Variants in CDH16 observed in about 807,000 individuals in gnomAD.
CDH16 encodes the protein cadherin 16.
In CDH16, 79 loss-of-function variants were observed where a neutral mutation model predicts 87.6. That is an observed-to-expected ratio of 0.90 (90% CI 0.75 to 1.09). The LOEUF (loss-of-function observed/expected upper bound fraction) is 1.09. CDH16 is among the 50% of genes least tolerant of loss of function. The pLI is 0.00. For missense variants in CDH16, 1,124 were observed against 1,071.7 expected, an observed-to-expected ratio of 1.05 and a Z score of -0.68; for synonymous variants, 457 against 439.5, an observed-to-expected ratio of 1.04 and a Z score of -0.50.
Position 66,912,266 on chromosome 16 carries a change from C to T in CDH16, c.1524G>A (p.Gly508=), listed in dbSNP as rs756978582. The part of the protein sequence containing the change: ...TFGLDWEPDS[G]HVRLRLCKNL... ...CCTTGCAGAGTCTGAGTCTAACATG[C>T]CCAGAGTCTGGCTCCCAATCCAGGC... Residue 508 remains glycine (G), a synonymous_variant, in exon 12 of 18, where the codon GGG becomes GGA. Coordinates refer to ENST00000299752, the MANE Select transcript of CDH16 (RefSeq NM_004062.4). The T allele has an allele frequency of 1.9e-6, 3 of 1,611,878 alleles. 1 individual carries two copies. The highest frequency in any genetic ancestry group is 2.2e-5 in the South Asian group (2 of 90,674).
At chr16:66,913,706 G>A (rs1962545729) in intron 7 of CDH16, 93 bp from the exon 8 acceptor site, 3 of 1,521,966 alleles carry the variant, frequency 2.0e-6, no homozygotes, top group African/African-American at 1.4e-5. Flanking sequence ...GAGCCCAACT[G>A]TGTGACCCAG....
In CDH16 at chr16:66,911,270, T is replaced by A; in HGVS notation, c.1836A>T (p.Lys612Asn). The A allele has an allele frequency of 6.2e-7, 1 of 1,613,560 alleles. No homozygotes were observed. Among genetic ancestry groups the A allele is most frequent in the South Asian group, 1.1e-5 (1 of 90,944 alleles). ...NDSEGWLCIE[K>N]FSGEVHTAQS... is the part of the protein sequence containing the mutation. ...GGGCGGTGTGCACCTCCCCGGAGAA[T>A]TTCTCAATGCAGAGCCAGCCCTCTG... The change falls in exon 14 of 18, where the codon AAA becomes AAT. Residue 612 changes from lysine to asparagine, a missense_variant. Lys to Asn is a moderately conservative substitution (Grantham distance 94). Transcript: ENST00000299752.
At chr16:66,914,664 A>T (rs550801104) in intron 6 of CDH16, among the ~76,000 whole-genome samples, 1 of 152,296 alleles carries the variant, frequency 6.6e-6, no homozygotes, top group Non-Finnish European at 1.5e-5. Flanking sequence ...GATGACCAGG[A>T]TGAGGAGATG....
Position 66,908,279 on chromosome 16 carries a change from G to A in CDH16, c.*113C>T. 1.2e-6 allele frequency: 1 copy of A among 812,538 alleles called. No individual in the cohort carries two copies. Among genetic ancestry groups the A allele is most frequent in the East Asian group, 2.5e-5 (1 of 39,966 alleles). 50.3% of individuals were successfully genotyped at this position (812,538 alleles called of 1,614,324 possible). On this transcript the variant is annotated 3_prime_UTR_variant, in exon 18 of 18. Transcript: ENST00000299752. Reference sequence around the variant, plus strand: ...ATGGTGCCTCCACCCCAGGGCAGATGGAGGGGCTTCTACTCTGTCCTGTCC... The same window carrying A: ...ATGGTGCCTCCACCCCAGGGCAGATAGAGGGGCTTCTACTCTGTCCTGTCC...
Position 66,918,798 on chromosome 16 carries a change from C to G in CDH16, c.-14+6G>C, listed in dbSNP as rs759311868. 6.5e-6 allele frequency: 1 copy of G among 153,062 alleles called. No homozygotes were observed. Among genetic ancestry groups the G allele is most frequent in the Non-Finnish European group, 1.5e-5 (1 of 68,420 alleles). 9.5% of individuals were successfully genotyped at this position (153,062 alleles called of 1,614,324 possible). A position where few individuals can be genotyped will look rare whatever the true frequency, so the allele number is the denominator to read the frequency against. On this transcript the variant is annotated splice_donor_region_variant and intron_variant, in intron 1 of 17. Transcript: ENST00000299752. The stretch of plus-strand genomic sequence containing the variant: ...CATGCCCTCCCCTCCACTCCCAGCC[C>G]CTCACCCTCCAGCGCCCAAGACTGG...
rs144917900 is a variant in CDH16, at chr16:66,912,567, C to T, written c.1296G>A (p.Thr432=). 9 of 1,614,074 alleles carry T rather than the reference C, an allele frequency of 5.6e-6. No individual in the cohort carries two copies. Among genetic ancestry groups the T allele is most frequent in the East Asian group, 4.5e-5 (2 of 44,904 alleles). Residue 432 remains threonine, a synonymous_variant, in exon 11 of 18, where the codon ACG becomes ACA. Transcript: ENST00000299752. The stretch of plus-strand genomic sequence containing the variant: ...CTGTGACTGCGACTTCGACTTCACA[C>T]GTGCTGCTGAAGCCTAGGGCAGAGG... ...LAGAEGGFSS[T]CEVEVAVTDI...
At position 66,916,436 on chromosome 16, in the gene CDH16, G is replaced by C. The variant is rs772463870; in HGVS notation, c.130-7C>G. The stretch of plus-strand genomic sequence containing the variant: ...CCTCACGGGGCAGCGGCAACTGATG[G>C]AAATGAACAGAAGTGAAGGGAGCGG... On this transcript the variant is annotated splice_polypyrimidine_tract_variant and splice_region_variant and intron_variant, in intron 3 of 17. Transcript: ENST00000299752. The surrounding 1 kb of genome is among the most constrained non-coding windows in gnomAD (Gnocchi z 4.1). 4 of 1,590,900 alleles carry C rather than the reference G, an allele frequency of 2.5e-6. No homozygotes were observed. The highest frequency in any genetic ancestry group is 2.2e-5 in the East Asian group (1 of 44,564).
In CDH16 at chr16:66,911,253, T is replaced by C; in HGVS notation, c.1853A>G (p.His618Arg). ...GGCGCCCTGCAGGGACTGGGCGGTG[T>C]GCACCTCCCCGGAGAATTTCTCAAT... ...LCIEKFSGEV[H>R]TAQSLQGAQP... The change falls in exon 14 of 18, where the codon CAC (histidine) becomes CGC (arginine). Residue 618 changes from histidine to arginine, a missense_variant. Physicochemically the swap from His to Arg is conservative, Grantham distance 29. Transcript: ENST00000299752. 6.2e-7 allele frequency: 1 copy of C among 1,613,222 alleles called. No homozygotes were observed. The highest frequency in any genetic ancestry group is 8.5e-7 in the Non-Finnish European group (1 of 1,179,748).
At chr16:66,908,918 G>C (rs1459245802) in intron 17 of CDH16, among the ~76,000 whole-genome samples, 3 of 152,194 alleles carry the variant, frequency 2.0e-5, no homozygotes, top group African/African-American at 4.8e-5. Flanking sequence ...CCTGGGTTCT[G>C]TCACAACCTG....
At chr16:66,911,680 G>A (rs1962422351) in intron 13 of CDH16, among the ~76,000 whole-genome samples, 1 of 152,166 alleles carries the variant, frequency 6.6e-6, no homozygotes, top group African/African-American at 2.4e-5. Context: ...CAGGTGCTGA[G>A]GCATAATCTG....
At position 66,914,201 on chromosome 16, in the gene CDH16, C is replaced by T. The variant is rs1357560948; in HGVS notation, c.780+15G>A. On this transcript the variant is annotated intron_variant, in intron 7 of 17. Coordinates refer to ENST00000299752, the MANE Select transcript of CDH16 (RefSeq NM_004062.4). ...TCCATGGGGCTGCTTCAGCCACTGA[C>T]AGCCACTTACTCACCTGGGCCATGT... The T allele has an allele frequency of 2.5e-6, 4 of 1,604,772 alleles. No homozygotes were observed. Among genetic ancestry groups the T allele is most frequent in the Non-Finnish European group, 3.4e-6 (4 of 1,172,574 alleles).
chr16:66,912,543 T>C lies in CDH16; in HGVS notation c.1320A>G (p.Thr440=). 6.2e-7 allele frequency: 1 copy of C among 1,614,190 alleles called. No individual in the cohort carries two copies. Residue 440 remains threonine, a synonymous_variant, in exon 11 of 18, where the codon ACA becomes ACG. Coordinates refer to ENST00000299752, the MANE Select transcript of CDH16 (RefSeq NM_004062.4). ...SSTCEVEVAV[T]DINDHAPEFI... is the part of the protein sequence containing the mutation. ...ACTCAGGGGCGTGATCATTGATATC[T>C]GTGACTGCGACTTCGACTTCACACG... is the stretch of plus-strand genomic sequence containing the variant.
chr16:66,910,995 C>T, intron 14 of CDH16, 187 bp downstream of exon 14: 2 of 562,714 alleles, frequency 3.6e-6, no homozygotes, highest in East Asian at 3.1e-5. Context: ...AGGCAGATGC[C>T]AGACTTGCCC....
In CDH16 at chr16:66,908,341, G is replaced by A. The variant is rs557776890; in HGVS notation, c.*51C>T. 12 of 1,437,220 alleles carry A rather than the reference G, an allele frequency of 8.3e-6. No individual in the cohort carries two copies. Among genetic ancestry groups the A allele is most frequent in the East Asian group, 2.3e-5 (1 of 44,126 alleles). The allele number at this position is 1,437,220 out of a possible 1,614,324, so 89.0% of individuals were successfully genotyped here. A position where few individuals can be genotyped will look rare whatever the true frequency, so the allele number is the denominator to read the frequency against. ...TTGGGTGCTGGGCTCTCTCCCAGGGGACTCAGATGGAGCCAGAGGCCAAGC... is the reference window on the plus strand; with the variant it reads ...TTGGGTGCTGGGCTCTCTCCCAGGGAACTCAGATGGAGCCAGAGGCCAAGC... On this transcript the variant is annotated 3_prime_UTR_variant, in exon 18 of 18. Coordinates refer to ENST00000299752, the MANE Select transcript of CDH16 (RefSeq NM_004062.4).
chr16:66,909,224 C>T lies in CDH16; in HGVS notation c.2392+43G>A, dbSNP rs766172610. ...TATTTGGAGGCTGTGGTCCCAACCA[C>T]CCATCGCCCTCGCCCACGCAGGTAA... On this transcript the variant is annotated intron_variant, in intron 17 of 17. Transcript: ENST00000299752. The surrounding 1 kb of genome is among the most constrained non-coding windows in gnomAD (Gnocchi z 4.1). The T allele has an allele frequency of 3.2e-6, 4 of 1,243,814 alleles. No individual in the cohort carries two copies. The Admixed American group carries it at 5.0e-5, about 16-fold the overall frequency. 77.0% of individuals were successfully genotyped at this position (1,243,814 alleles called of 1,614,324 possible). A position where few individuals can be genotyped will look rare whatever the true frequency, so the allele number is the denominator to read the frequency against.
chr16:66,911,222 A>T lies in CDH16; in HGVS notation c.1884T>A (p.Pro628=). The change falls in exon 14 of 18, where the codon CCT becomes CCA. Residue 628 remains proline (P), a synonymous_variant. Transcript: ENST00000299752. ...CCACAAGCACCGTGTAGGTGTCCCC[A>T]GGCTGGGCGCCCTGCAGGGACTGGG... ...HTAQSLQGAQ[P]GDTYTVLVEA... is the part of the protein sequence containing the mutation. 6.2e-7 allele frequency: 1 copy of T among 1,613,520 alleles called. No individual in the cohort carries two copies. Among genetic ancestry groups the T allele is most frequent in the Non-Finnish European group, 8.5e-7 (1 of 1,179,842 alleles).
At position 66,916,397 on chromosome 16, in the gene CDH16, C is replaced by T. The variant is rs776762886; in HGVS notation, c.162G>A (p.Gln54=). The T allele has an allele frequency of 2.0e-5, 33 of 1,611,682 alleles. No individual in the cohort carries two copies. Among genetic ancestry groups the T allele is most frequent in the Middle Eastern group, 3.3e-4 (2 of 6,046 alleles). Residue 54 remains glutamine (Q), a synonymous_variant, in exon 4 of 18, where the codon CAG becomes CAA. Coordinates refer to ENST00000299752, the MANE Select transcript of CDH16 (RefSeq NM_004062.4). The surrounding 1 kb of genome is among the most constrained non-coding windows in gnomAD (Gnocchi z 4.1). Reference sequence around the variant, plus strand: ...TGCCTGAGTCCCCTGACAGCACGATCTGGCCTTCAGCCCCCTCACGGGGCA... The same window carrying T: ...TGCCTGAGTCCCCTGACAGCACGATTTGGCCTTCAGCCCCCTCACGGGGCA... ...LPLPREGAEG[Q]IVLSGDSGKA...
intron 3 of CDH16, 25 bp downstream of exon 3, chr16:66,917,617 C>A: frequency 1.3e-6 from 2 of 1,578,836 alleles, no homozygotes; most frequent in Non-Finnish European, 1.7e-6. Flanking sequence ...ATCCCCCCGG[C>A]CCCAACCCCA....
chr16:66,909,914 G>T lies in CDH16; in HGVS notation c.2275+72C>A. On this transcript the variant is annotated intron_variant, in intron 16 of 17. Coordinates refer to ENST00000299752, the MANE Select transcript of CDH16 (RefSeq NM_004062.4). This position sits in a 1 kb window ranked among gnomAD's most constrained non-coding sequence, Gnocchi z 4.1. ...CCACATGAGCAGCCTGTATGCATGT[G>T]TACCAGCTCCCTCCCCTTGCATCCC... 8.8e-7 allele frequency: 1 copy of T among 1,130,634 alleles called. No individual in the cohort carries two copies. The highest frequency in any genetic ancestry group is 1.3e-6 in the Non-Finnish European group (1 of 767,950). The allele number at this position is 1,130,634 out of a possible 1,614,324, so 70.0% of individuals were successfully genotyped here.
Sources: allele counts gnomAD v4.1 joint callset (sites outside exome capture counted in the v4.1 genomes callset), GRCh38; gene constraint gnomAD v4.1.1; non-coding constraint Gnocchi (gnomAD v3.1); transcripts MANE v1.5; gene names NCBI Gene and HGNC (gene_info 2026-07-23, HGNC 2026-07-21).